The following CPNE4 variants were observed in gnomAD, a reference collection of about 807,000 sequenced individuals.
CPNE4 encodes copine-4.
In CPNE4, 25 loss-of-function variants were observed where a neutral mutation model predicts 67.9. The ratio of observed to expected loss-of-function variants is 0.37; its 90% CI spans 0.27 to 0.51. CPNE4 has a LOEUF of 0.51. CPNE4 is among the 20% of genes least tolerant of loss of function. CPNE4 has a pLI of 0.93. For missense variants in CPNE4, 464 were observed against 690.8 expected (o/e 0.67, Z 3.68); for synonymous variants, 242 against 244.9 (o/e 0.99, Z 0.11).
intron 14 of CPNE4, among the ~76,000 whole-genome samples, chr3:131,547,482 A>C (rs1233076034): frequency 2.2e-5 from 3 of 139,420 alleles, no homozygotes; most frequent in Non-Finnish European, 3.0e-5. Flanking sequence ...AAAAAAAAAA[A>C]AAAAAAAAAA....
rs1438120398 is a variant in CPNE4, at chr3:131,555,468, G to A, written c.1116+29C>T. 12 of 1,602,356 alleles carry A rather than the reference G, an allele frequency of 7.5e-6. No individual in the cohort carries two copies. The East Asian group carries it at 1.8e-4, about 24-fold the overall frequency. ...AGTTATCCTTTGACCACAGTGAAGT[G>A]GAAGAAGATCACATCTCCACTCACT... On this transcript the variant is annotated intron_variant, in intron 12 of 15. Transcript: ENST00000429747.
chr3:131,752,649 A>C (rs2107799491), intron 2 of CPNE4, among the ~76,000 whole-genome samples: 1 of 152,306 alleles, frequency 6.6e-6, no homozygotes, highest in East Asian at 1.9e-4. Flanking sequence ...GAATGGGGAA[A>C]AGTACATGTA....
At chr3:131,675,271 G>T (rs2080526836) in intron 6 of CPNE4, among the ~76,000 whole-genome samples, 1 of 152,164 alleles carries the variant, frequency 6.6e-6, no homozygotes, top group Non-Finnish European at 1.5e-5. Context: ...CTGAAGAGAA[G>T]AATGCATATT....
intron 2 of CPNE4, among the ~76,000 whole-genome samples, chr3:131,812,870 A>T (rs2084590571): frequency 6.6e-6 from 1 of 152,214 alleles, no homozygotes; most frequent in Admixed American, 6.5e-5. Context: ...ATCTCAAAGG[A>T]TACATGGAAG....
intron 1 of CPNE4, among the ~76,000 whole-genome samples, chr3:131,978,229 A>ATGTT (rs2072750209): frequency 6.8e-5 from 1 of 14,732 alleles, no homozygotes; most frequent in Non-Finnish European, 9.4e-5. Flanking sequence ...ATAAATTTAC[A>ATGTT]TATTTATATA....
At chr3:131,920,438 T>C (rs1312296303) in intron 1 of CPNE4, among the ~76,000 whole-genome samples, 1 of 152,116 alleles carries the variant, frequency 6.6e-6, no homozygotes, top group Non-Finnish European at 1.5e-5. Context: ...TTACATGCTA[T>C]AGCTATTAGT....
intron 3 of CPNE4, among the ~76,000 whole-genome samples, chr3:131,711,798 T>TGAG (rs932421689): frequency 6.6e-6 from 1 of 152,212 alleles, no homozygotes; most frequent in South Asian, 2.1e-4. Flanking sequence ...AAGCTTGAAA[T>TGAG]GAGGAGTCTA....
intron 1 of CPNE4, among the ~76,000 whole-genome samples, chr3:131,952,558 CG>C (rs1168526348): frequency 8.1e-6 from 1 of 123,880 alleles, no homozygotes; most frequent in Non-Finnish European, 1.8e-5. Context: ...CCACCCCATC[CG>C]GGAGGGAGGT....
chr3:131,645,159 G>T (rs2079634217), intron 7 of CPNE4, among the ~76,000 whole-genome samples: 1 of 152,192 alleles, frequency 6.6e-6, no homozygotes. Context: ...CATCTGTGAT[G>T]TCCAGACTAA....
At chr3:131,536,219 C>A (rs1404824165) in intron 15 of CPNE4, among the ~76,000 whole-genome samples, 1 of 152,100 alleles carries the variant, frequency 6.6e-6, no homozygotes, top group Non-Finnish European at 1.5e-5. Context: ...ATTCTATCAG[C>A]CTTATGGATC....
chr3:131,821,392 G>A (rs374405494), intron 2 of CPNE4, among the ~76,000 whole-genome samples: 25 of 152,362 alleles, frequency 1.6e-4, no homozygotes, highest in African/African-American at 5.8e-4. Flanking sequence ...GAAACAGGAA[G>A]CCAGCAATCT....
chr3:131,660,667 C>T (rs866741126), intron 7 of CPNE4, among the ~76,000 whole-genome samples: 7 of 152,286 alleles, frequency 4.6e-5, no homozygotes, highest in South Asian at 2.1e-4. Context: ...CTGACTAGCT[C>T]TGTGAATTTA....
chr3:131,978,077 A>C (rs1365329311), intron 1 of CPNE4, among the ~76,000 whole-genome samples: 1 of 34,052 alleles, frequency 2.9e-5, no homozygotes, highest in Non-Finnish European at 4.9e-5. Context: ...AAATATATAT[A>C]AATATATATA....
intron 1 of CPNE4, among the ~76,000 whole-genome samples, chr3:131,963,013 C>A (rs1434064622): frequency 1.3e-5 from 2 of 152,168 alleles, no homozygotes; most frequent in Non-Finnish European, 2.9e-5. Flanking sequence ...GAGACCAATG[C>A]AGAAGGCAGG....
intron 6 of CPNE4, among the ~76,000 whole-genome samples, chr3:131,683,552 G>A (rs1419532076): frequency 6.6e-6 from 1 of 152,182 alleles, no homozygotes; most frequent in Non-Finnish European, 1.5e-5. Flanking sequence ...GTGGGAGGGA[G>A]GAGTGTCTCC....
intron 2 of CPNE4, among the ~76,000 whole-genome samples, chr3:131,896,318 G>T (rs767786790): frequency 6.6e-6 from 1 of 151,710 alleles, no homozygotes; most frequent in African/African-American, 2.4e-5. Flanking sequence ...CTATTGTATG[G>T]GCTTCACTCC....
chr3:131,546,189 T>A (rs1463508064), intron 14 of CPNE4, among the ~76,000 whole-genome samples: 1 of 152,176 alleles, frequency 6.6e-6, no homozygotes, highest in East Asian at 1.9e-4. Context: ...CTGAAGAGAT[T>A]GTCAGGATTC....
At chr3:131,773,351 A>ATTATTAATTTAT (rs2083215850) in intron 2 of CPNE4, among the ~76,000 whole-genome samples, 2 of 151,284 alleles carry the variant, frequency 1.3e-5, no homozygotes, top group African/African-American at 4.9e-5. Flanking sequence ...AGTTTTATTT[A>ATTATTAATTTAT]TTATTTATTT....
At chr3:131,953,363 T>C (rs2071837833) in intron 1 of CPNE4, among the ~76,000 whole-genome samples, 1 of 152,020 alleles carries the variant, frequency 6.6e-6, no homozygotes, top group Non-Finnish European at 1.5e-5. Flanking sequence ...ATTTGTCATA[T>C]ATGATCTTGA....
Sources: gnomAD v4.1 joint callset for allele counts (sites outside exome capture counted in the v4.1 genomes callset) on GRCh38, gnomAD v4.1.1 for gene constraint, MANE v1.5 for transcripts, NCBI Gene and HGNC (gene_info 2026-07-23, HGNC 2026-07-21) for gene names.